The following FKTN variants were observed in gnomAD, a reference collection of about 807,000 sequenced individuals.
The protein encoded by FKTN is fukutin, also known as ribitol-5-phosphate transferase FKTN.
Under a neutral mutation model 58.6 loss-of-function variants are expected in FKTN, and 47 were observed. That is an observed-to-expected ratio of 0.80 (90% CI 0.63 to 1.02). The LOEUF (loss-of-function observed/expected upper bound fraction) is 1.02. Ranked by LOEUF, FKTN falls within the 50% of genes least tolerant of loss-of-function variation. The probability of loss-of-function intolerance (pLI) is 0.00; values close to 1 mark genes in which losing one functional copy is unlikely to be tolerated. For synonymous variants in FKTN, 178 were observed against 191.9 expected (o/e 0.93, Z 0.60); for missense variants, 516 against 537.3 (o/e 0.96, Z 0.39).
At chr9:105,568,709 A>G (rs1268822136) in intron 1 of FKTN, among the ~76,000 whole-genome samples, 3 of 152,228 alleles carry the variant, frequency 2.0e-5, no homozygotes, top group Non-Finnish European at 1.5e-5. Flanking sequence ...AACTGGTTCA[A>G]CCATTGTGGA....
chr9:105,587,282 C>G (rs545947972), intron 3 of FKTN, among the ~76,000 whole-genome samples: 31 of 151,832 alleles, frequency 2.0e-4, no homozygotes, highest in Non-Finnish European at 3.5e-4. Flanking sequence ...TATTTAGTAG[C>G]CTATGTATGT....
intron 5 of FKTN, among the ~76,000 whole-genome samples, chr9:105,603,328 G>C (rs1482904347): frequency 6.6e-6 from 1 of 152,156 alleles, no homozygotes; most frequent in South Asian, 2.1e-4. Flanking sequence ...GGTGTACCAA[G>C]AAAGAAAAGG....
chr9:105,619,054 G>A (rs1284342709), intron 9 of FKTN, among the ~76,000 whole-genome samples: 38 of 135,258 alleles, frequency 2.8e-4, no homozygotes, highest in Admixed American at 2.6e-3. Flanking sequence ...GCAAGACTCC[G>A]TCTTAAAAAA....
At position 105,635,641 on chromosome 9, in the gene FKTN, A is replaced by T; in HGVS notation, c.*377A>T. On this transcript the variant is annotated 3_prime_UTR_variant, in exon 11 of 11. Transcript: ENST00000357998. ...ACTGGAAGATGAGCTCACCAGGCAA[A>T]GCTAAGGAAGGATATACTAGTTGAA... The T allele has an allele frequency of 8.7e-7, 1 of 1,143,440 alleles. No individual in the cohort carries two copies. The highest frequency in any genetic ancestry group is 1.1e-6 in the Non-Finnish European group (1 of 925,248). 70.8% of individuals were successfully genotyped at this position (1,143,440 alleles called of 1,614,324 possible).
chr9:105,571,841 G>A (rs774044115), intron 1 of FKTN, among the ~76,000 whole-genome samples: 1 of 152,196 alleles, frequency 6.6e-6, no homozygotes, highest in Non-Finnish European at 1.5e-5. Flanking sequence ...TTCAAAATCT[G>A]AAATGCTCCA....
At position 105,604,403 on chromosome 9, in the gene FKTN, C is replaced by G; in HGVS notation, c.558C>G (p.His186Gln). 1 of 1,613,774 alleles carries G rather than the reference C, an allele frequency of 6.2e-7. No individual in the cohort carries two copies. Among genetic ancestry groups the G allele is most frequent in the Non-Finnish European group, 8.5e-7 (1 of 1,179,684 alleles). The change falls in exon 6 of 11, where the codon CAC becomes CAG. Residue 186 changes from histidine (H) to glutamine (Q), a missense_variant. Transcript: ENST00000357998. ...FHERSGNYLW[H>Q]GHLRLKEHID... ...AGAGGAGTGGCAACTACCTCTGGCA[C>G]GGCCACTTGAGACTTAAAGAACACA...
chr9:105,609,257 T>C (rs772790981), intron 7 of FKTN, among the ~76,000 whole-genome samples: 7 of 152,112 alleles, frequency 4.6e-5, no homozygotes, highest in Non-Finnish European at 1.0e-4. Flanking sequence ...CTAATAGACC[T>C]CATCAAGCAG....
intron 6 of FKTN, among the ~76,000 whole-genome samples, chr9:105,604,850 G>A (rs957485604): frequency 5.3e-5 from 8 of 152,040 alleles, no homozygotes; most frequent in African/African-American, 1.4e-4. Context: ...CAGCTACTGG[G>A]GAGGCTGAGG....
chr9:105,584,142 G>A (rs1014225682), intron 3 of FKTN, among the ~76,000 whole-genome samples: 23 of 152,152 alleles, frequency 1.5e-4, no homozygotes, highest in African/African-American at 5.1e-4. Flanking sequence ...CAAAATGGGA[G>A]GCAATAACAG....
rs886063332 is a variant in FKTN, at chr9:105,638,248, C to T, written c.*2984C>T. On this transcript the variant is annotated 3_prime_UTR_variant, in exon 11 of 11. Coordinates refer to ENST00000357998, the MANE Select transcript of FKTN (RefSeq NM_001079802.2). The stretch of plus-strand genomic sequence containing the variant: ...TTGAGATGCTTAACAGAGAAGGCAT[C>T]CAGTGCTTCATTGAGGCTAAGTCTC... The T allele has an allele frequency of 4.5e-5, 44 of 985,204 alleles. No individual in the cohort carries two copies. Among genetic ancestry groups the T allele is most frequent in the Middle Eastern group, 5.2e-4 (1 of 1,936 alleles). The allele number at this position is 985,204 out of a possible 1,614,324, so 61.0% of individuals were successfully genotyped here. A position where few individuals can be genotyped will look rare whatever the true frequency, so the allele number is the denominator to read the frequency against.
At chr9:105,619,225 G>A (rs1831400831) in intron 9 of FKTN, among the ~76,000 whole-genome samples, 1 of 152,040 alleles carries the variant, frequency 6.6e-6, no homozygotes, top group African/African-American at 2.4e-5. Context: ...TATAAGTATG[G>A]CACTGTCCTC....
rs1834045448 is a variant in FKTN at position 105,636,509 on chromosome 9, C to T, written c.*1245C>T. 2.9e-6 allele frequency: 3 copies of T among 1,027,468 alleles called. No homozygotes were observed. In the African/African-American group the frequency reaches 5.1e-5, roughly 17 times the overall value. The allele number at this position is 1,027,468 out of a possible 1,614,324, so 63.6% of individuals were successfully genotyped here. A position where few individuals can be genotyped will look rare whatever the true frequency, so the allele number is the denominator to read the frequency against. ...CAGACTTCTACTTTACCAAGTACCACACACTCTGGAATGCTTTAGTTTCCT... is the reference window on the plus strand; with the variant it reads ...CAGACTTCTACTTTACCAAGTACCATACACTCTGGAATGCTTTAGTTTCCT... On this transcript the variant is annotated 3_prime_UTR_variant, in exon 11 of 11. Transcript: ENST00000357998.
chr9:105,611,912 T>A (rs1162075117), intron 7 of FKTN, among the ~76,000 whole-genome samples: 12 of 152,186 alleles, frequency 7.9e-5, no homozygotes, highest in Non-Finnish European at 1.8e-4. Flanking sequence ...TTTAGGTCAT[T>A]GAGGAATCAC....
intron 3 of FKTN, among the ~76,000 whole-genome samples, chr9:105,585,270 A>G (rs1450193464): frequency 6.6e-6 from 1 of 152,114 alleles, no homozygotes; most frequent in East Asian, 1.9e-4. Context: ...GCTAAAAATA[A>G]GAAAATTAGC....
At chr9:105,606,185 A>G (rs1828857376) in intron 6 of FKTN, among the ~76,000 whole-genome samples, 1 of 152,118 alleles carries the variant, frequency 6.6e-6, no homozygotes, top group Non-Finnish European at 1.5e-5. Context: ...TAGAGGACAC[A>G]GAGAACTACA....
intron 8 of FKTN, among the ~76,000 whole-genome samples, chr9:105,617,018 C>T (rs1830947394): frequency 6.6e-6 from 1 of 152,064 alleles, no homozygotes; most frequent in South Asian, 2.1e-4. Flanking sequence ...TTTGAGTTTT[C>T]AGTCCCATGG....
intron 3 of FKTN, among the ~76,000 whole-genome samples, chr9:105,596,052 G>A (rs1044790346): frequency 1.3e-5 from 2 of 149,314 alleles, no homozygotes; most frequent in Non-Finnish European, 2.9e-5. Flanking sequence ...TCAAAATTAC[G>A]ATGTATGTTA....
At chr9:105,618,860 G>A (rs1253692182) in intron 9 of FKTN, among the ~76,000 whole-genome samples, 2 of 152,100 alleles carry the variant, frequency 1.3e-5, no homozygotes, top group African/African-American at 4.8e-5. Flanking sequence ...ATGAGGTCAG[G>A]AGATCGAGAC....
At chr9:105,606,951 C>G (rs1018603106) in intron 6 of FKTN, among the ~76,000 whole-genome samples, 1 of 151,816 alleles carries the variant, frequency 6.6e-6, no homozygotes, top group Non-Finnish European at 1.5e-5. Context: ...TTAATACTCA[C>G]TGTTCTCTTA....
Sources: gnomAD v4.1 joint callset for allele counts (sites outside exome capture counted in the v4.1 genomes callset) on GRCh38, gnomAD v4.1.1 for gene constraint, MANE v1.5 for transcripts, NCBI Gene and HGNC (gene_info 2026-07-23, HGNC 2026-07-21) for gene names.